The following NKAIN3 variants were observed in gnomAD, a reference collection of about 807,000 sequenced individuals.
The protein encoded by NKAIN3 is sodium/potassium-transporting ATPase subunit beta-1-interacting protein 3.
NKAIN3 carries 25 observed loss-of-function variants against 30.2 expected under a neutral mutation model. The ratio of observed to expected loss-of-function variants is 0.83; its 90% confidence interval spans 0.60 to 1.16. NKAIN3 has a LOEUF of 1.16. NKAIN3 is among the 50% of genes most tolerant of loss of function. The probability of loss-of-function intolerance (pLI) is 0.00; values close to 1 mark genes in which losing one functional copy is unlikely to be tolerated. For synonymous variants in NKAIN3, 91 were observed against 89.6 expected (o/e 1.02, Z -0.09); for missense variants, 225 against 254.1 (o/e 0.89, Z 0.78).
At chr8:62,834,242 A>C (rs1349128430) in intron 4 of NKAIN3, among the ~76,000 whole-genome samples, 2 of 152,100 alleles carry the variant, frequency 1.3e-5, no homozygotes, top group Non-Finnish European at 2.9e-5. Context: ...AGAAGTTGGA[A>C]GCATGCCCCT....
chr8:62,371,684 C>T (rs1430390980), intron 1 of NKAIN3, among the ~76,000 whole-genome samples: 1 of 151,840 alleles, frequency 6.6e-6, no homozygotes, highest in African/African-American at 2.4e-5. Context: ...TCACGTACCT[C>T]CATTTATTTA....
chr8:62,915,139 C>G (rs186681542), intron 4 of NKAIN3, among the ~76,000 whole-genome samples: 4 of 152,200 alleles, frequency 2.6e-5, no homozygotes, highest in African/African-American at 9.6e-5. Flanking sequence ...GAACCTGCTG[C>G]GAGTCTAAAT....
At position 62,772,740 on chromosome 8, in the gene NKAIN3, A is replaced by C. The variant is rs551415928; in HGVS notation, c.471+25611A>C. 9.3e-5 allele frequency among the ~76,000 whole-genome samples: 14 copies of C among 150,926 alleles called. No homozygotes were observed. The South Asian group carries it at 2.7e-3, about 30-fold the overall frequency. ...CAGTGGCACGATCTCAGCTCACTGC[A>C]ACCTCCACCTGCCAGGTTCAAGCGA... On this transcript the variant is annotated intron_variant, in intron 4 of 6. Coordinates refer to ENST00000623646, the MANE Select transcript of NKAIN3 (RefSeq NM_001304533.3).
At chr8:62,348,253 A>G (rs188721137) in intron 1 of NKAIN3, among the ~76,000 whole-genome samples, 1 of 152,322 alleles carries the variant, frequency 6.6e-6, no homozygotes, top group East Asian at 1.9e-4. Context: ...TGAGTTCACT[A>G]AGAATAAATT....
intron 4 of NKAIN3, 143 bp downstream of exon 4, chr8:62,747,272 T>C: frequency 1.7e-6 from 1 of 580,630 alleles, no homozygotes; most frequent in Non-Finnish European, 3.1e-6. Flanking sequence ...GTACCACTAG[T>C]TATACCTGAT....
At position 62,976,089 on chromosome 8, in the gene NKAIN3, T is replaced by C. The variant is rs1020200862; in HGVS notation, c.*10682T>C. Among the ~76,000 whole-genome samples the C allele has an allele frequency of 3.2e-4, 49 of 152,240 alleles. 1 individual carries two copies. The highest frequency in any genetic ancestry group is 1.2e-3 in the African/African-American group (48 of 41,536). ...TCATTCTTTTGCATTTGCTGATGAG[T>C]GTTTTACTTCCAGTTATGTGGTCGA... is the stretch of plus-strand genomic sequence containing the variant. On this transcript the variant is annotated 3_prime_UTR_variant, in exon 7 of 7. Coordinates refer to ENST00000623646, the MANE Select transcript of NKAIN3 (RefSeq NM_001304533.3).
chr8:62,924,220 T>C (rs1484528356), intron 5 of NKAIN3, among the ~76,000 whole-genome samples: 3 of 152,192 alleles, frequency 2.0e-5, no homozygotes, highest in Non-Finnish European at 4.4e-5. Flanking sequence ...CACTAACTTA[T>C]ATACACCCTT....
intron 1 of NKAIN3, among the ~76,000 whole-genome samples, chr8:62,564,128 A>T (rs1809671190): frequency 6.6e-6 from 1 of 152,234 alleles, no homozygotes; most frequent in Non-Finnish European, 1.5e-5. Flanking sequence ...TATCCATCCA[A>T]CAAGTTCTCT....
intron 1 of NKAIN3, among the ~76,000 whole-genome samples, chr8:62,536,890 G>C (rs569472745): frequency 6.6e-6 from 1 of 152,100 alleles, no homozygotes; most frequent in African/African-American, 2.4e-5. Flanking sequence ...CTCATGGGGA[G>C]AGAATAATGA....
chr8:62,863,263 A>G (rs756653510), intron 4 of NKAIN3: 28 of 1,559,988 alleles, frequency 1.8e-5, no homozygotes, highest in Non-Finnish European at 2.4e-5. Context: ...GTTTTTAGAT[A>G]TTTTTCCTAT....
intron 3 of NKAIN3, among the ~76,000 whole-genome samples, chr8:62,674,270 G>C (rs947635389): frequency 6.6e-6 from 1 of 152,162 alleles, no homozygotes; most frequent in East Asian, 1.9e-4. Flanking sequence ...TGTAGACCTG[G>C]AATTCCTGCC....
rs143849087 is a variant in NKAIN3 at position 62,793,574 on chromosome 8, A to G, written c.471+46445A>G. Among the ~76,000 whole-genome samples the G allele has an allele frequency of 4.1e-3, 618 of 152,226 alleles. 4 individuals are homozygous for G. The highest frequency in any genetic ancestry group is 0.014 in the African/African-American group (580 of 41,544). Reference sequence around the variant, plus strand: ...CTCTTTAAGTCCACTACCTATCAGTAGATCCATTACCTGTGACTGTGGGAA... The same window carrying G: ...CTCTTTAAGTCCACTACCTATCAGTGGATCCATTACCTGTGACTGTGGGAA... On this transcript the variant is annotated intron_variant, in intron 4 of 6. Transcript: ENST00000623646.
chr8:62,811,587 T>C (rs1333610720), intron 4 of NKAIN3, among the ~76,000 whole-genome samples: 1 of 151,606 alleles, frequency 6.6e-6, no homozygotes, highest in Non-Finnish European at 1.5e-5. Context: ...CATAGTAATA[T>C]ATCATTGTGG....
At chr8:62,916,544 G>A (rs1026828361) in intron 4 of NKAIN3, among the ~76,000 whole-genome samples, 37 of 152,044 alleles carry the variant, frequency 2.4e-4, no homozygotes, top group East Asian at 1.9e-4. Context: ...TACACATTAC[G>A]GCTTTGTTCA....
In NKAIN3 at chr8:62,658,223, A is replaced by G. The variant is rs1170609480; in HGVS notation, c.273+68429A>G. Among the ~76,000 whole-genome samples the G allele has an allele frequency of 2.0e-5, 3 of 152,186 alleles. No homozygotes were observed. In the East Asian group the frequency reaches 5.8e-4, roughly 29 times the overall value. On this transcript the variant is annotated intron_variant, in intron 3 of 6. Transcript: ENST00000623646. ...ACACTGGCTTTGGGGTAAACTTGTA[A>G]CAATCTCTTAATCTCCCCGGGCATT... is the stretch of plus-strand genomic sequence containing the variant.
intron 4 of NKAIN3, chr8:62,855,407 C>T: frequency 1.1e-6 from 1 of 906,248 alleles, no homozygotes; most frequent in South Asian, 1.3e-5. Context: ...CATGCCCTTG[C>T]TGATATTGGC....
intron 3 of NKAIN3, among the ~76,000 whole-genome samples, chr8:62,740,541 CA>C (rs1394524400): frequency 5.3e-5 from 8 of 151,234 alleles, no homozygotes; most frequent in East Asian, 3.9e-4. Flanking sequence ...GACACATACC[CA>C]AAAAAAGGAG....
intron 3 of NKAIN3, among the ~76,000 whole-genome samples, chr8:62,597,765 C>G (rs1477546250): frequency 6.6e-6 from 1 of 151,950 alleles, no homozygotes; most frequent in Non-Finnish European, 1.5e-5. Flanking sequence ...GGAATTATCT[C>G]TCTGCAATCC....
At chr8:62,269,375 T>G (rs1270000286) in intron 1 of NKAIN3, among the ~76,000 whole-genome samples, 1 of 152,178 alleles carries the variant, frequency 6.6e-6, no homozygotes, top group Non-Finnish European at 1.5e-5. Flanking sequence ...ATGGAATTCT[T>G]TCTTGATCTT....
Sources: allele counts gnomAD v4.1 joint callset (sites outside exome capture counted in the v4.1 genomes callset), GRCh38; gene constraint gnomAD v4.1.1; transcripts MANE v1.5; gene names NCBI Gene and HGNC (gene_info 2026-07-23, HGNC 2026-07-21).